ZNF79: variants seen among roughly 807,000 people sequenced by gnomAD.
ZNF79 encodes ZNFpT7.
Under a neutral mutation model 14.9 loss-of-function variants are expected in ZNF79, and 13 were observed. That is an observed-to-expected ratio of 0.87 (90% confidence interval 0.57 to 1.38). ZNF79 has a LOEUF of 1.38. ZNF79 is among the 40% of genes most tolerant of loss of function. The pLI is 0.00. For missense variants in ZNF79, 631 were observed against 630.6 expected, an observed-to-expected ratio of 1.00 and a Z score of -0.01; for synonymous variants, 223 against 235.1, an observed-to-expected ratio of 0.95 and a Z score of 0.47.
At chr9:127,439,699 A>G (rs1181487063) in intron 4 of ZNF79, among the ~76,000 whole-genome samples, 1 of 152,192 alleles carries the variant, frequency 6.6e-6, no homozygotes, top group African/African-American at 2.4e-5. Flanking sequence ...ATTCTGATTC[A>G]TTGAATCATT....
Position 127,444,893 on chromosome 9 carries a change from T to G in ZNF79, c.1193T>G (p.Phe398Cys), listed in dbSNP as rs771776531. The G allele has an allele frequency of 1.2e-6, 2 of 1,613,982 alleles. No individual in the cohort carries two copies. Among genetic ancestry groups the G allele is most frequent in the African/African-American group, 1.3e-5 (1 of 74,872 alleles). The change falls in exon 5 of 5, where the codon TTC (phenylalanine) becomes TGC (cysteine). Residue 398 changes from phenylalanine to cysteine, a missense_variant. Physicochemically the swap from Phe to Cys is radical, Grantham distance 205. Coordinates refer to ENST00000342483, the MANE Select transcript of ZNF79 (RefSeq NM_007135.3). ...AAGTGCAGCGAGTGTGGGAAGGCCTTCAGCCAGAGTACCAATCTCATAATC... is the reference window on the plus strand; with the variant it reads ...AAGTGCAGCGAGTGTGGGAAGGCCTGCAGCCAGAGTACCAATCTCATAATC... ...PYKCSECGKA[F>C]SQSTNLIIHQ...
chr9:127,443,132 A>G (rs979054378), intron 4 of ZNF79, among the ~76,000 whole-genome samples: 6 of 152,298 alleles, frequency 3.9e-5, no homozygotes, highest in Non-Finnish European at 5.9e-5. Context: ...AGTACAGTGT[A>G]AAATAACTAT....
intron 2 of ZNF79, among the ~76,000 whole-genome samples, chr9:127,432,508 C>T (rs1054139092): frequency 7.4e-5 from 11 of 149,382 alleles, no homozygotes; most frequent in South Asian, 4.3e-4. Flanking sequence ...TCCTTGTTTA[C>T]GTTGAAAGTT....
chr9:127,431,487 G>A (rs994795383), intron 2 of ZNF79, among the ~76,000 whole-genome samples: 4 of 152,058 alleles, frequency 2.6e-5, no homozygotes, highest in Admixed American at 1.3e-4. Context: ...AACGTCAGGC[G>A]ATCCTCCTGC....
At position 127,445,176 on chromosome 9, in the gene ZNF79, G is replaced by C; in HGVS notation, c.1476G>C (p.Gln492His). Reference protein sequence around the residue: ...FRCSSAFVRHQRLHAGE With the variant: ...FRCSSAFVRHHRLHAGE ...GCAGCTCTGCCTTCGTTAGACATCAGAGACTCCACGCCGGAGAGTAACTAG... is the reference window on the plus strand; with the variant it reads ...GCAGCTCTGCCTTCGTTAGACATCACAGACTCCACGCCGGAGAGTAACTAG... Residue 492 changes from glutamine (Q) to histidine (H), a missense_variant, in exon 5 of 5, where the codon CAG becomes CAC. By Grantham distance (24) the Gln-to-His change is conservative. Coordinates refer to ENST00000342483, the MANE Select transcript of ZNF79 (RefSeq NM_007135.3). 1 of 1,614,142 alleles carries C rather than the reference G, an allele frequency of 6.2e-7. No individual in the cohort carries two copies. Among genetic ancestry groups the C allele is most frequent in the Non-Finnish European group, 8.5e-7 (1 of 1,179,992 alleles).
chr9:127,424,449 T>C lies in ZNF79; in HGVS notation c.-339T>C. On this transcript the variant is annotated 5_prime_UTR_variant, in exon 1 of 5. Coordinates refer to ENST00000342483, the MANE Select transcript of ZNF79 (RefSeq NM_007135.3). Reference sequence around the variant, plus strand: ...TGGGCGGTACTTGGACAGCGGTTCTTGAGCTCTCGCGGTTGCCGGTAGATT... The same window carrying C: ...TGGGCGGTACTTGGACAGCGGTTCTCGAGCTCTCGCGGTTGCCGGTAGATT... The C allele has an allele frequency of 3.2e-6, 1 of 308,862 alleles. No individual in the cohort carries two copies. The highest frequency in any genetic ancestry group is 6.3e-6 in the Non-Finnish European group (1 of 159,444). 19.1% of individuals were successfully genotyped at this position (308,862 alleles called of 1,614,324 possible). A position where few individuals can be genotyped will look rare whatever the true frequency, so the allele number is the denominator to read the frequency against.
intron 2 of ZNF79, among the ~76,000 whole-genome samples, chr9:127,434,319 A>T (rs528441516): frequency 8.5e-5 from 13 of 152,186 alleles, no homozygotes; most frequent in African/African-American, 2.6e-4. Flanking sequence ...TTGTGCTCAT[A>T]CCTGGCTCTC....
chr9:127,427,199 C>G (rs1037370367), intron 1 of ZNF79, among the ~76,000 whole-genome samples: 2 of 148,410 alleles, frequency 1.3e-5, no homozygotes, highest in Admixed American at 1.4e-4. Context: ...AAGCAGATTA[C>G]TTGAGGTCAG....
Position 127,424,616 on chromosome 9 carries a change from C to T in ZNF79, c.-172C>T. 1 of 990,826 alleles carries T rather than the reference C, an allele frequency of 1.0e-6. No individual in the cohort carries two copies. The highest frequency in any genetic ancestry group is 1.6e-5 in the South Asian group (1 of 62,068). The allele number at this position is 990,826 out of a possible 1,614,324, so 61.4% of individuals were successfully genotyped here. On this transcript the variant is annotated 5_prime_UTR_variant, in exon 1 of 5. Coordinates refer to ENST00000342483, the MANE Select transcript of ZNF79 (RefSeq NM_007135.3). ...CCGGCTGGGCAGGCCCGGACAGCTC[C>T]CGCGACCCAGCACCGCAGGATCAGA...
At chr9:127,435,408 G>A (rs1833930180) in intron 3 of ZNF79, among the ~76,000 whole-genome samples, 192 bp downstream of exon 3, 1 of 152,162 alleles carries the variant, frequency 6.6e-6, no homozygotes, top group African/African-American at 2.4e-5. Context: ...TTTCTCTAAG[G>A]CTGCACCTCC....
Position 127,444,429 on chromosome 9 carries a change from C to T in ZNF79, c.729C>T (p.His243=). 1 of 1,614,006 alleles carries T rather than the reference C, an allele frequency of 6.2e-7. No homozygotes were observed. Among genetic ancestry groups the T allele is most frequent in the Non-Finnish European group, 8.5e-7 (1 of 1,179,970 alleles). ...SSSLIQHQRI[H]TGEKPYKCSE... ...CTCTCATTCAGCACCAGAGGATTCA[C>T]ACTGGAGAGAAGCCTTACAAGTGCA... Residue 243 remains histidine, a synonymous_variant, in exon 5 of 5, where the codon CAC becomes CAT. Coordinates refer to ENST00000342483, the MANE Select transcript of ZNF79 (RefSeq NM_007135.3).
intron 1 of ZNF79, among the ~76,000 whole-genome samples, chr9:127,425,431 A>G (rs533155837): frequency 6.6e-6 from 1 of 152,338 alleles, no homozygotes; most frequent in African/African-American, 2.4e-5. Context: ...TACAGAACAA[A>G]TGTGTAAGCA....
Position 127,428,875 on chromosome 9 carries a change from A to C in ZNF79, c.60A>C (p.Thr20=), listed in dbSNP as rs755742220. 6.2e-7 allele frequency: 1 copy of C among 1,605,386 alleles called. No individual in the cohort carries two copies. Among genetic ancestry groups the C allele is most frequent in the East Asian group, 2.3e-5 (1 of 44,180 alleles). ...PGPALPQEEN[T]GEEGMAAGLL... is the part of the protein sequence containing the mutation. ...CTGCCCTTCCCCAAGAGGAAAACAC[A>C]GGAGAGGAAGGAATGGCTGCTGGTC... The change falls in exon 2 of 5, where the codon ACA becomes ACC. Residue 20 remains threonine (T), a synonymous_variant. Transcript: ENST00000342483.
Position 127,435,298 on chromosome 9 carries a change from C to A in ZNF79, c.232+82C>A, listed in dbSNP as rs1833928250. 22 of 1,453,322 alleles carry A rather than the reference C, an allele frequency of 1.5e-5. 1 individual carries two copies. The South Asian group carries it at 2.8e-4, about 19-fold the overall frequency. 90.0% of individuals were successfully genotyped at this position (1,453,322 alleles called of 1,614,324 possible). A position where few individuals can be genotyped will look rare whatever the true frequency, so the allele number is the denominator to read the frequency against. On this transcript the variant is annotated intron_variant, in intron 3 of 4. Transcript: ENST00000342483. ...CTTGCTTTCCAGCATGTAGGGGTTT[C>A]TGACTGGTGTGATGTACCAGAGGGA...
In ZNF79 at chr9:127,435,984, C is replaced by T. The variant is rs1394345992; in HGVS notation, c.309C>T (p.Asp103=). ...GCGCATGGATGCTGGAGGGCGAAGA[C>T]CTGCGAAGTCCCTCTCCAGGTATGT... is the stretch of plus-strand genomic sequence containing the variant. ...REGAWMLEGE[D]LRSPSPGWKI... is the part of the protein sequence containing the mutation. Residue 103 remains aspartate (D), a synonymous_variant, in exon 4 of 5, where the codon GAC becomes GAT. Coordinates refer to ENST00000342483, the MANE Select transcript of ZNF79 (RefSeq NM_007135.3). The T allele has an allele frequency of 3.1e-6, 5 of 1,614,108 alleles. No individual in the cohort carries two copies. The highest frequency in any genetic ancestry group is 4.2e-6 in the Non-Finnish European group (5 of 1,180,030).
At chr9:127,431,970 ATTGT>A (rs1279846451) in intron 2 of ZNF79, among the ~76,000 whole-genome samples, 3 of 152,042 alleles carry the variant, frequency 2.0e-5, no homozygotes, top group Non-Finnish European at 4.4e-5. Context: ...TCTCTAACAC[ATTGT>A]TTGTTTCACG....
chr9:127,435,804 A>C, intron 3 of ZNF79, 104 bp from the exon 4 acceptor site: 1 of 872,368 alleles, frequency 1.1e-6, no homozygotes, highest in Non-Finnish European at 1.9e-6. Flanking sequence ...TTGTTGGCTG[A>C]ATGAAATGAA....
intron 4 of ZNF79, among the ~76,000 whole-genome samples, chr9:127,440,882 T>C (rs184600801): frequency 6.6e-6 from 1 of 152,150 alleles, no homozygotes; most frequent in African/African-American, 2.4e-5. Flanking sequence ...GTTGGGTAAG[T>C]AGGAAGATTA....
In ZNF79 at chr9:127,444,308, GT is replaced by G; in HGVS notation, c.610del (p.Tyr204ThrfsTer202). ...TGTAATGAATGTGGCAAAGCCTTCA[GT>G]TACTGTTCTTCCCTTTCTCAGCATC... ...YACNECGKAF[S>X]YCSSLSQHQK... On this transcript the variant is annotated frameshift_variant, in exon 5 of 5. Transcript: ENST00000342483. LOFTEE classifies it low-confidence loss of function (END_TRUNC). 13 of 1,614,234 alleles carry G rather than the reference GT, an allele frequency of 8.1e-6. No homozygotes were observed. The highest frequency in any genetic ancestry group is 1.1e-5 in the Non-Finnish European group (13 of 1,180,054).
Sources: allele counts gnomAD v4.1 joint callset (sites outside exome capture counted in the v4.1 genomes callset), GRCh38; gene constraint gnomAD v4.1.1; transcripts MANE v1.5; gene names NCBI Gene and HGNC (gene_info 2026-07-23, HGNC 2026-07-21).